The following FGF2 variants were observed in gnomAD, a reference collection of about 807,000 sequenced individuals.
The protein encoded by FGF2 is basic fibroblast growth factor bFGF.
Under a neutral mutation model 15.9 loss-of-function variants are expected in FGF2, and 13 were observed. The observed-to-expected ratio is 0.82, with a 90% CI of 0.53 to 1.30. The LOEUF (loss-of-function observed/expected upper bound fraction) is 1.30. Among genes scored for constraint, FGF2 ranks in the 50% most tolerant of loss-of-function variants. FGF2 has a pLI of 0.00. For missense variants in FGF2, 163 were observed against 196.9 expected, an observed-to-expected ratio of 0.83 and a Z score of 1.03; for synonymous variants, 90 against 78.4, an observed-to-expected ratio of 1.15 and a Z score of -0.78.
rs201825800 is a variant in FGF2 at position 122,897,637 on chromosome 4, A to G, written c.*5241A>G. Reference sequence around the variant, plus strand: ...AAAGATACACACCAATATCTTCTTCAGGCTCTGACAGGCCTCCTGGAAACT... The same window carrying G: ...AAAGATACACACCAATATCTTCTTCGGGCTCTGACAGGCCTCCTGGAAACT... On this transcript the variant is annotated 3_prime_UTR_variant, in exon 3 of 3. Transcript: ENST00000644866. 2.5e-6 allele frequency: 4 copies of G among 1,606,826 alleles called. No individual in the cohort carries two copies. The highest frequency in any genetic ancestry group is 2.2e-5 in the East Asian group (1 of 44,748).
chr4:122,877,882 G>A (rs372405030), intron 2 of FGF2, among the ~76,000 whole-genome samples: 34 of 152,342 alleles, frequency 2.2e-4, no homozygotes, highest in African/African-American at 7.2e-4. Flanking sequence ...CAGACTGACT[G>A]TATGACAAAG....
chr4:122,844,575 CTTTCTTT>C (rs1726065318), intron 1 of FGF2, among the ~76,000 whole-genome samples: 12 of 131,452 alleles, frequency 9.1e-5, no homozygotes, highest in African/African-American at 3.4e-4. Flanking sequence ...CTTTCTTTTT[CTTTCTTT>C]CTTTCTTCCT....
chr4:122,827,250 T>C lies in FGF2; in HGVS notation c.76T>C (p.Phe26Leu), dbSNP rs1388483162. ...CAGCGGCGCCTTCCCGCCCGGCCAC[T>C]TCAAGGACCCCAAGCGGCTGTACTG... ...GGSGAFPPGH[F>L]KDPKRLYCKN... Residue 26 changes from phenylalanine (F) to leucine (L), a missense_variant, in exon 1 of 3, where the codon TTC (phenylalanine) becomes CTC (leucine). Coordinates refer to ENST00000644866, the MANE Select transcript of FGF2 (RefSeq NM_001361665.2). This position sits in a 1 kb window ranked among gnomAD's most constrained non-coding sequence, Gnocchi z 4.2. 6.2e-7 allele frequency: 1 copy of C among 1,612,208 alleles called. No homozygotes were observed. The highest frequency in any genetic ancestry group is 2.2e-5 in the East Asian group (1 of 44,824).
rs191358844 is a variant in FGF2, at chr4:122,856,117, T to C, written c.179-20204T>C. Reference sequence around the variant, plus strand: ...ATAGTGATTCCTCTTCAAAACATTTTACATATTTTCTCTAATATAATTATT... The same window carrying C: ...ATAGTGATTCCTCTTCAAAACATTTCACATATTTTCTCTAATATAATTATT... On this transcript the variant is annotated intron_variant, in intron 1 of 2. Transcript: ENST00000644866. 1.6e-4 allele frequency among the ~76,000 whole-genome samples: 24 copies of C among 152,364 alleles called. No homozygotes were observed. In the East Asian group the frequency reaches 2.9e-3, roughly 18 times the overall value.
At chr4:122,829,001 G>A (rs998193656) in intron 1 of FGF2, among the ~76,000 whole-genome samples, 2 of 152,002 alleles carry the variant, frequency 1.3e-5, no homozygotes, top group African/African-American at 4.8e-5. Flanking sequence ...GAAGACAGAA[G>A]AATTTCCCTT....
intron 1 of FGF2, among the ~76,000 whole-genome samples, chr4:122,845,489 T>G (rs1726091299): frequency 6.6e-6 from 1 of 152,258 alleles, no homozygotes; most frequent in South Asian, 2.1e-4. Flanking sequence ...AAAAGGCTGT[T>G]TTGTCCACAT....
Position 122,854,796 on chromosome 4 carries a change from C to T in FGF2, c.179-21525C>T, listed in dbSNP as rs541680826. Among the ~76,000 whole-genome samples, 42 of 152,192 alleles carry T rather than the reference C, an allele frequency of 2.8e-4. 1 individual carries two copies. The South Asian group carries it at 7.5e-3, about 27-fold the overall frequency. On this transcript the variant is annotated intron_variant, in intron 1 of 2. Coordinates refer to ENST00000644866, the MANE Select transcript of FGF2 (RefSeq NM_001361665.2). ...CGTCATTGATTGAGAGACGTGCTGC[C>T]GGGGCTATTTTCATGGGAGTCAAAT...
chr4:122,876,254 C>A, intron 1 of FGF2, 67 bp from the exon 2 acceptor site: 3 of 956,568 alleles, frequency 3.1e-6, no homozygotes, highest in South Asian at 1.3e-5. Flanking sequence ...CTTTATATTG[C>A]GTAAATATTG....
At position 122,867,360 on chromosome 4, in the gene FGF2, TA is replaced by T. The variant is rs778942207; in HGVS notation, c.179-8959del. On this transcript the variant is annotated intron_variant, in intron 1 of 2. Transcript: ENST00000644866. ...AACCATGGGTACCAACAGTTCAGAATAAGTGCCTTCGATATTACTTAGTATT... is the reference window on the plus strand; with the variant it reads ...AACCATGGGTACCAACAGTTCAGAATAGTGCCTTCGATATTACTTAGTATT... 4.2e-4 allele frequency among the ~76,000 whole-genome samples: 64 copies of T among 152,358 alleles called. 1 individual carries two copies. The Middle Eastern group carries it at 0.01, about 24-fold the overall frequency.
chr4:122,884,598 G>C (rs1327961239), intron 2 of FGF2: 1 of 152,150 alleles, frequency 6.6e-6, no homozygotes, highest in African/African-American at 2.4e-5. Flanking sequence ...CATCATGTCT[G>C]TTTTTAATTC....
chr4:122,868,913 T>C (rs1195999956), intron 1 of FGF2, among the ~76,000 whole-genome samples: 12 of 152,144 alleles, frequency 7.9e-5, no homozygotes. Context: ...ATGTAAATGT[T>C]GTCTTTTGAG....
chr4:122,877,838 A>C (rs17006255), intron 2 of FGF2, among the ~76,000 whole-genome samples: 24,088 of 152,274 alleles, frequency 0.16, 2,407 homozygotes, highest in East Asian at 0.45. Flanking sequence ...AACAAGGCTT[A>C]CAGAGAAAAA....
intron 1 of FGF2, among the ~76,000 whole-genome samples, chr4:122,832,298 C>A (rs971674715): frequency 1.3e-5 from 2 of 152,190 alleles, no homozygotes; most frequent in African/African-American, 2.4e-5. Flanking sequence ...ACCCTGTCAC[C>A]TAGGCTGGAG....
intron 2 of FGF2, among the ~76,000 whole-genome samples, chr4:122,886,467 G>A (rs923610184): frequency 1.3e-5 from 2 of 152,188 alleles, no homozygotes; most frequent in South Asian, 4.1e-4. Context: ...AGATGGAGAT[G>A]ATGGTTATGC....
chr4:122,864,623 G>A (rs138846117), intron 1 of FGF2, among the ~76,000 whole-genome samples: 286 of 152,140 alleles, frequency 1.9e-3, no homozygotes, highest in African/African-American at 6.5e-3. Context: ...CTTTATAATT[G>A]AGAAATTCTC....
intron 2 of FGF2, among the ~76,000 whole-genome samples, chr4:122,877,871 T>TCAG (rs1726889160): frequency 6.6e-6 from 1 of 152,238 alleles, no homozygotes; most frequent in South Asian, 2.1e-4. Context: ...TATCCCAATT[T>TCAG]CAGACTGACT....
chr4:122,867,605 A>G (rs1056227461), intron 1 of FGF2, among the ~76,000 whole-genome samples: 1 of 152,182 alleles, frequency 6.6e-6, no homozygotes, highest in Admixed American at 6.5e-5. Flanking sequence ...AAGGCCTCCC[A>G]GAGTGCTGGA....
At chr4:122,866,039 A>C (rs1012312385) in intron 1 of FGF2, among the ~76,000 whole-genome samples, 1 of 152,208 alleles carries the variant, frequency 6.6e-6, no homozygotes, top group Non-Finnish European at 1.5e-5. Flanking sequence ...ACTTCATGAA[A>C]ATTTAAAGTG....
At chr4:122,861,078 A>G (rs1344714479) in intron 1 of FGF2, among the ~76,000 whole-genome samples, 2 of 152,106 alleles carry the variant, frequency 1.3e-5, no homozygotes, top group African/African-American at 4.8e-5. Context: ...CTTGCTCTAC[A>G]TCCTATACTT....
Sources: allele counts gnomAD v4.1 joint callset (sites outside exome capture counted in the v4.1 genomes callset), GRCh38; gene constraint gnomAD v4.1.1; non-coding constraint Gnocchi (gnomAD v3.1); transcripts MANE v1.5; gene names NCBI Gene and HGNC (gene_info 2026-07-23, HGNC 2026-07-21).